Variants in DMD observed in about 807,000 individuals in gnomAD.
DMD encodes the protein mutant dystrophin.
In DMD, 63 loss-of-function variants were observed where a neutral mutation model predicts 330.1. That is an observed-to-expected ratio of 0.19 (90% CI 0.16 to 0.24). The LOEUF is 0.24. Among genes scored for constraint, DMD ranks in the 10% least tolerant of loss-of-function variants. The probability of loss-of-function intolerance (pLI) is 1.00; values close to 1 mark genes in which losing one functional copy is unlikely to be tolerated. For missense variants in DMD, 3,344 were observed against 2,684.1 expected (o/e 1.25, Z -5.43); for synonymous variants, 1,223 against 959.8 (o/e 1.27, Z -5.07).
chrX:32,035,725 G>GA (rs1042645367), intron 44 of DMD, among the ~76,000 whole-genome samples: 3 of 110,582 alleles, frequency 2.7e-5, no homozygotes, highest in Non-Finnish European at 5.7e-5. Flanking sequence ...TTTCCTGGTA[G>GA]AAAAAAAATA....
chrX:31,635,433 C>A (rs762604545), intron 54 of DMD, among the ~76,000 whole-genome samples: 5 of 111,593 alleles, frequency 4.5e-5, no homozygotes, highest in South Asian at 3.7e-4. Context: ...TTATATATAT[C>A]CTCATCCACA....
chrX:31,977,787 CAAAAAA>C (rs759262885), intron 44 of DMD, among the ~76,000 whole-genome samples: 1 of 60,353 alleles, frequency 1.7e-5, no homozygotes. Flanking sequence ...CTCTGCAAAT[CAAAAAA>C]AAAAAAAAAA....
chrX:32,664,806 G>A (rs1224320918), intron 9 of DMD, among the ~76,000 whole-genome samples: 1 of 111,844 alleles, frequency 8.9e-6, no homozygotes, highest in Non-Finnish European at 1.9e-5. Context: ...ACATTGGGAG[G>A]CATCAACTTA....
In DMD at chrX:31,929,502, T is replaced by C. The variant is rs766130049; in HGVS notation, c.6912+94A>G. 3.9e-6 allele frequency: 4 copies of C among 1,025,256 alleles called. No homozygotes were observed. The East Asian group carries it at 9.1e-5, about 23-fold the overall frequency. The allele number at this position is 1,025,256 out of a possible 1,213,427, so 84.5% of individuals were successfully genotyped here. A position where few individuals can be genotyped will look rare whatever the true frequency, so the allele number is the denominator to read the frequency against. On this transcript the variant is annotated intron_variant, in intron 47 of 78. Coordinates refer to ENST00000357033, the MANE Select transcript of DMD (RefSeq NM_004006.3). Reference sequence around the variant, plus strand: ...CAAAACAACAATCCACATACCAGCCTCCTCCCCGACCAATGAAGCACCCAG... The same window carrying C: ...CAAAACAACAATCCACATACCAGCCCCCTCCCCGACCAATGAAGCACCCAG...
intron 47 of DMD, among the ~76,000 whole-genome samples, chrX:31,897,044 G>A (rs1488582190): frequency 2.7e-5 from 3 of 110,237 alleles, no homozygotes; most frequent in Non-Finnish European, 5.7e-5. Context: ...CTAGCATTGG[G>A]TATATCTCCC....
intron 7 of DMD, among the ~76,000 whole-genome samples, chrX:32,789,382 C>T (rs191303050): frequency 2.2e-3 from 243 of 111,940 alleles, no homozygotes; most frequent in Middle Eastern, 0.014. Context: ...GGATCTTATC[C>T]TATAAAAGGG....
intron 62 of DMD, among the ~76,000 whole-genome samples, chrX:31,321,607 A>AAG (rs1556500804): frequency 4.5e-5 from 4 of 89,281 alleles, no homozygotes; most frequent in African/African-American, 2.4e-4. Flanking sequence ...AAAAAAAAAA[A>AAG]AAAGAAAGAA....
intron 1 of DMD, among the ~76,000 whole-genome samples, chrX:33,067,316 A>G (rs756276277): frequency 2.7e-5 from 3 of 112,399 alleles, no homozygotes; most frequent in Non-Finnish European, 5.6e-5. Flanking sequence ...GAATGATTAT[A>G]AAAGCCTTAA....
intron 59 of DMD, among the ~76,000 whole-genome samples, chrX:31,457,200 GAC>G (rs1049603206): frequency 6.3e-5 from 7 of 110,793 alleles, no homozygotes; most frequent in Admixed American, 3.9e-4. Context: ...AAGGAGAAGA[GAC>G]ACAGAGTGTT....
At chrX:32,846,281 G>A (rs1366028779) in intron 3 of DMD, among the ~76,000 whole-genome samples, 2 of 111,643 alleles carry the variant, frequency 1.8e-5, no homozygotes, top group Non-Finnish European at 1.9e-5. Flanking sequence ...GTGGAGCCAG[G>A]ACCCAAACTT....
intron 55 of DMD, among the ~76,000 whole-genome samples, chrX:31,627,067 G>A (rs1477241289): frequency 4.5e-5 from 5 of 111,686 alleles, no homozygotes; most frequent in African/African-American, 9.8e-5. Context: ...ACTACCCCAC[G>A]TTCTGTTTTC....
At chrX:31,701,519 T>C (rs1163597817) in intron 52 of DMD, among the ~76,000 whole-genome samples, 1 of 112,050 alleles carries the variant, frequency 8.9e-6, no homozygotes, top group Non-Finnish European at 1.9e-5. Context: ...GTACTCAATG[T>C]TCCAGTCTCT....
chrX:32,960,279 T>G (rs2091829280), intron 2 of DMD: 1 of 110,802 alleles, frequency 9.0e-6, no homozygotes, highest in African/African-American at 3.3e-5. Flanking sequence ...ACGCTCCCCT[T>G]GACCAAACTT....
At chrX:32,734,825 A>C (rs775320505) in intron 7 of DMD, among the ~76,000 whole-genome samples, 4 of 103,000 alleles carry the variant, frequency 3.9e-5, no homozygotes, top group Non-Finnish European at 5.8e-5. Context: ...ATGGGCAAAA[A>C]CTGGAAGCAT....
chrX:33,113,590 GC>G (rs35940958), intron 1 of DMD, among the ~76,000 whole-genome samples: 48,943 of 101,899 alleles, frequency 0.48, 9,779 homozygotes, highest in East Asian at 0.83. Flanking sequence ...CATCATTCTT[GC>G]CCCCCCCCCC....
At chrX:31,744,291 G>A (rs2087635149) in intron 51 of DMD, among the ~76,000 whole-genome samples, 1 of 111,381 alleles carries the variant, frequency 9.0e-6, no homozygotes. Context: ...GAAATATTGA[G>A]CAAATTACCA....
intron 15 of DMD, among the ~76,000 whole-genome samples, chrX:32,567,604 C>T (rs918574045): frequency 8.9e-5 from 10 of 112,232 alleles, no homozygotes; most frequent in African/African-American, 2.9e-4. Context: ...AACATGTTGG[C>T]CTGGCTGGTC....
chrX:32,509,912 T>C (rs891750387), intron 18 of DMD, among the ~76,000 whole-genome samples: 1 of 111,095 alleles, frequency 9.0e-6, no homozygotes, highest in Non-Finnish European at 1.9e-5. Context: ...ATTCAATCCA[T>C]CACAAAGTCC....
rs759012926 is a variant in DMD at position 31,253,315 on chromosome X, T to C, written c.9286+7640A>G. 1.3e-4 allele frequency among the ~76,000 whole-genome samples: 15 copies of C among 112,465 alleles called. No homozygotes were observed. In the South Asian group the frequency reaches 5.2e-3, roughly 39 times the overall value. ...GCAGAGGTTTTAACACTGAGCAATA[T>C]ATTAAGGAACTAGAAGCAAGAGCCA... On this transcript the variant is annotated intron_variant, in intron 63 of 78. Transcript: ENST00000357033.
Sources: allele counts gnomAD v4.1 joint callset (sites outside exome capture counted in the v4.1 genomes callset), GRCh38; gene constraint gnomAD v4.1.1; transcripts MANE v1.5; gene names NCBI Gene and HGNC (gene_info 2026-07-23, HGNC 2026-07-21).